The following RIMS2 variants were observed in gnomAD, a reference collection of about 807,000 sequenced individuals.
RIMS2 encodes regulating synaptic membrane exocytosis protein 2.
RIMS2 carries 59 observed loss-of-function variants against 174.4 expected under a neutral mutation model. That is an observed-to-expected ratio of 0.34 (90% CI 0.27 to 0.42). The LOEUF is 0.42. RIMS2 is among the 10% of genes least tolerant of loss of function. The pLI is 1.00. For missense variants in RIMS2, 1,620 were observed against 1,666.3 expected, an observed-to-expected ratio of 0.97 and a Z score of 0.48; for synonymous variants, 606 against 572.5, an observed-to-expected ratio of 1.06 and a Z score of -0.84.
intron 3 of RIMS2, among the ~76,000 whole-genome samples, chr8:103,775,602 CAA>C (rs937982120): frequency 1.3e-5 from 2 of 152,054 alleles, no homozygotes; most frequent in African/African-American, 4.8e-5. Flanking sequence ...AATTAAATAA[CAA>C]ATGTCTTTAA....
At chr8:103,588,582 T>C (rs1207212790) in intron 1 of RIMS2, among the ~76,000 whole-genome samples, 2 of 151,690 alleles carry the variant, frequency 1.3e-5, no homozygotes, top group African/African-American at 2.4e-5. Flanking sequence ...TGGAACACAA[T>C]AGAGAACCCA....
intron 1 of RIMS2, among the ~76,000 whole-genome samples, chr8:103,549,712 T>C (rs1846776013): frequency 6.6e-6 from 1 of 152,150 alleles, no homozygotes; most frequent in African/African-American, 2.4e-5. Context: ...CAGTGTGCTG[T>C]ATTCAGGAGA....
At chr8:103,771,641 T>C (rs968593357) in intron 3 of RIMS2, among the ~76,000 whole-genome samples, 11 of 152,114 alleles carry the variant, frequency 7.2e-5, no homozygotes, top group African/African-American at 2.7e-4. Flanking sequence ...TGTTTTCTCA[T>C]CTCTGGAATG....
chr8:104,019,200 A>T (rs1282887162), intron 19 of RIMS2, among the ~76,000 whole-genome samples: 1 of 152,192 alleles, frequency 6.6e-6, no homozygotes, highest in Non-Finnish European at 1.5e-5. Context: ...TGTGTCTCAA[A>T]AAAGTTAAAA....
chr8:103,852,774 G>T (rs2099006364), intron 3 of RIMS2, among the ~76,000 whole-genome samples: 1 of 151,928 alleles, frequency 6.6e-6, no homozygotes, highest in Non-Finnish European at 1.5e-5. Context: ...TCCATGATGT[G>T]TATGTACCAC....
chr8:104,092,664 A>G (rs2097683693), intron 19 of RIMS2, among the ~76,000 whole-genome samples: 1 of 151,840 alleles, frequency 6.6e-6, no homozygotes, highest in Non-Finnish European at 1.5e-5. Context: ...AACTAGTGAG[A>G]GTTTTTCTTA....
intron 19 of RIMS2, among the ~76,000 whole-genome samples, chr8:104,048,582 AT>A (rs2096732533): frequency 6.6e-6 from 1 of 152,304 alleles, no homozygotes; most frequent in Non-Finnish European, 1.5e-5. Flanking sequence ...ATAAAAACAT[AT>A]GTATGATATG....
chr8:103,971,711 A>C (rs2092899519), intron 15 of RIMS2, among the ~76,000 whole-genome samples: 1 of 151,972 alleles, frequency 6.6e-6, no homozygotes, highest in South Asian at 2.1e-4. Flanking sequence ...AGCTGGCATT[A>C]CAGGCACATG....
chr8:103,728,338 C>G (rs1452512069), intron 2 of RIMS2, among the ~76,000 whole-genome samples: 1 of 151,980 alleles, frequency 6.6e-6, no homozygotes, highest in Non-Finnish European at 1.5e-5. Context: ...TTGGTGGAGT[C>G]TTTAGGTTTT....
At chr8:103,799,426 GA>G (rs1384805024) in intron 3 of RIMS2, among the ~76,000 whole-genome samples, 8 of 152,120 alleles carry the variant, frequency 5.3e-5, no homozygotes. Context: ...GTGAGTCAGT[GA>G]ACATCCTTGT....
In RIMS2 at chr8:104,049,147, G is replaced by A. The variant is rs2096742437; in HGVS notation, c.3334+34532G>A. Among the ~76,000 whole-genome samples, 7 of 150,874 alleles carry A rather than the reference G, an allele frequency of 4.6e-5. No homozygotes were observed. The South Asian group carries it at 1.0e-3, about 23-fold the overall frequency. On this transcript the variant is annotated intron_variant, in intron 19 of 23. Coordinates refer to ENST00000504942, the Ensembl canonical transcript of RIMS2. ...TCTTTAAAAAAAAAAAAAAAAGGCC[G>A]GGCGGTGGCTCACGCCTGTATTCCC...
rs551592608 is a variant in RIMS2 at position 104,224,133 on chromosome 8, G to C, written c.3335-20783G>C. Among the ~76,000 whole-genome samples the C allele has an allele frequency of 4.6e-5, 7 of 152,326 alleles. No homozygotes were observed. In the South Asian group the frequency reaches 1.4e-3, roughly 32 times the overall value. On this transcript the variant is annotated intron_variant, in intron 19 of 23. Coordinates refer to ENST00000504942, the Ensembl canonical transcript of RIMS2. ...GTTTTGGTTTACCCTTCGCAGTCCGGGTATTAGCATTCGGCCTGGAGGACA... is the reference window on the plus strand; with the variant it reads ...GTTTTGGTTTACCCTTCGCAGTCCGCGTATTAGCATTCGGCCTGGAGGACA...
intron 19 of RIMS2, among the ~76,000 whole-genome samples, chr8:104,025,402 C>T (rs2096230396): frequency 6.6e-6 from 1 of 152,076 alleles, no homozygotes; most frequent in East Asian, 1.9e-4. Flanking sequence ...GCAGGAAGAT[C>T]GCTGAGCCCA....
chr8:103,635,392 G>A (rs776220276), intron 1 of RIMS2, among the ~76,000 whole-genome samples: 6 of 152,214 alleles, frequency 3.9e-5, no homozygotes, highest in Non-Finnish European at 8.8e-5. Context: ...TGTGGTTGGA[G>A]GCCCAGGCCT....
In RIMS2 at chr8:104,213,931, A is replaced by T. The variant is rs184134565; in HGVS notation, c.3335-30985A>T. On this transcript the variant is annotated intron_variant, in intron 19 of 23. Transcript: ENST00000504942. ...GAAGAAGAAGAAGAGAAATAACCGC[A>T]AATAGAATAGCTTTGGGGTTTGTTA... Among the ~76,000 whole-genome samples, 419 of 152,122 alleles carry T rather than the reference A, an allele frequency of 2.8e-3. 6 individuals carry two copies. Among genetic ancestry groups the T allele is most frequent in the African/African-American group, 9.7e-3 (403 of 41,506 alleles).
chr8:103,603,110 T>C (rs1461142611), intron 1 of RIMS2, among the ~76,000 whole-genome samples: 1 of 150,736 alleles, frequency 6.6e-6, no homozygotes, highest in Non-Finnish European at 1.5e-5. Flanking sequence ...ACTCGTCATC[T>C]AGCATTAGGT....
intron 1 of RIMS2, among the ~76,000 whole-genome samples, chr8:103,633,891 T>A (rs2096008062): frequency 6.6e-6 from 1 of 152,222 alleles, no homozygotes; most frequent in Non-Finnish European, 1.5e-5. Flanking sequence ...CCTTCATCAT[T>A]TCTAATTGTT....
chr8:104,254,746 C>G (rs909017753), downstream of RIMS2: 1 of 152,182 alleles, frequency 6.6e-6, no homozygotes, highest in African/African-American at 2.4e-5. Context: ...CCTTCACTGA[C>G]AGCATAGTCA....
At chr8:104,093,447 G>T in intron 19 of RIMS2, 24 bp from the exon 24 acceptor site, 3 of 1,538,190 alleles carry the variant, frequency 2.0e-6, no homozygotes, top group Non-Finnish European at 2.6e-6. Flanking sequence ...CAACTTCTGC[G>T]TATTTGTCAA....
Sources: allele counts gnomAD v4.1 joint callset (sites outside exome capture counted in the v4.1 genomes callset), GRCh38; gene constraint gnomAD v4.1.1; transcripts MANE v1.5; gene names NCBI Gene and HGNC (gene_info 2026-07-23, HGNC 2026-07-21).